The following TRIT1 variants were observed in gnomAD, a reference collection of about 807,000 sequenced individuals.
The protein encoded by TRIT1 is tRNA isopentenyltransferase 1, also known as tRNA dimethylallyltransferase.
TRIT1 carries 43 observed loss-of-function variants against 51.2 expected under a neutral mutation model. That is an observed-to-expected ratio of 0.84 (90% CI 0.66 to 1.08). TRIT1 has a LOEUF of 1.08. Ranked by LOEUF, TRIT1 falls within the 50% of genes least tolerant of loss-of-function variation. The probability of loss-of-function intolerance (pLI) is 0.00; values close to 1 mark genes in which losing one functional copy is unlikely to be tolerated. For missense variants in TRIT1, 528 were observed against 578.4 expected (o/e 0.91, Z 0.89); for synonymous variants, 184 against 203.9 (o/e 0.90, Z 0.83).
rs1325182841 is a variant in TRIT1 at position 39,840,168 on chromosome 1, T to A, written c.*1576A>T. Among the ~76,000 whole-genome samples the A allele has an allele frequency of 6.6e-6, 1 of 152,146 alleles. No individual in the cohort carries two copies. Among genetic ancestry groups the A allele is most frequent in the Non-Finnish European group, 1.5e-5 (1 of 68,020 alleles). On this transcript the variant is annotated 3_prime_UTR_variant, in exon 11 of 11. Transcript: ENST00000316891. ...GCTTGGCTCACAGTAAGTACTCATC[T>A]CCACTCCCACCGGGAAGATGTGGCT...
intron 4 of TRIT1, 107 bp downstream of exon 4, chr1:39,852,624 T>A: frequency 7.3e-7 from 1 of 1,372,392 alleles, no homozygotes; most frequent in Non-Finnish European, 1.0e-6. Flanking sequence ...CACATCAATC[T>A]CCACTAACTG....
chr1:39,841,687 C>A lies in TRIT1; in HGVS notation c.*57G>T. 1 of 1,512,016 alleles carries A rather than the reference C, an allele frequency of 6.6e-7. No homozygotes were observed. Among genetic ancestry groups the A allele is most frequent in the Non-Finnish European group, 8.9e-7 (1 of 1,123,290 alleles). 93.7% of individuals were successfully genotyped at this position (1,512,016 alleles called of 1,614,324 possible). On this transcript the variant is annotated 3_prime_UTR_variant, in exon 11 of 11. Transcript: ENST00000316891. ...TTGCCCAGACTGGGAGACAAACATA[C>A]CCCTCCCTCCTGAACTGGATCCCCA...
chr1:39,861,923 C>CAAA (rs60007826), intron 1 of TRIT1, among the ~76,000 whole-genome samples: 2,094 of 68,300 alleles, frequency 0.031, 43 homozygotes, highest in East Asian at 0.17. Flanking sequence ...GGCTCTGTCT[C>CAAA]AAAAAAAAAA....
At chr1:39,873,596 T>C (rs139766411) in intron 1 of TRIT1, among the ~76,000 whole-genome samples, 8 of 152,318 alleles carry the variant, frequency 5.3e-5, no homozygotes, top group Middle Eastern at 3.4e-3. Context: ...ATTTAGTTAA[T>C]AGTATTGTAC....
At chr1:39,882,812 G>A (rs1314592149) in intron 1 of TRIT1, among the ~76,000 whole-genome samples, 1 of 152,158 alleles carries the variant, frequency 6.6e-6, no homozygotes, top group African/African-American at 2.4e-5. Flanking sequence ...ATGGCCAATG[G>A]CAGATTCAGG....
At chr1:39,853,600 T>TG (rs1642716851) in intron 3 of TRIT1, among the ~76,000 whole-genome samples, 1 of 151,976 alleles carries the variant, frequency 6.6e-6, no homozygotes, top group African/African-American at 2.4e-5. Context: ...TTAGTAGAGA[T>TG]GGGGTTTCAC....
chr1:39,879,802 G>A (rs1325109250), intron 1 of TRIT1, among the ~76,000 whole-genome samples: 1 of 147,864 alleles, frequency 6.8e-6, no homozygotes, highest in Non-Finnish European at 1.5e-5. Flanking sequence ...AACCTGGGAA[G>A]TGGAGGTTGC....
chr1:39,882,165 C>T (rs560757383), intron 1 of TRIT1, among the ~76,000 whole-genome samples: 15 of 152,320 alleles, frequency 9.8e-5, no homozygotes, highest in Non-Finnish European at 1.6e-4. Flanking sequence ...TTGGAAAAGA[C>T]AGCTGGGATT....
chr1:39,850,802 G>A (rs1221567263), intron 4 of TRIT1, among the ~76,000 whole-genome samples: 2 of 152,122 alleles, frequency 1.3e-5, no homozygotes, highest in Non-Finnish European at 2.9e-5. Flanking sequence ...TCTGGCTGGC[G>A]TGCCTTTCCC....
intron 1 of TRIT1, among the ~76,000 whole-genome samples, chr1:39,871,669 T>C (rs529333731): frequency 6.6e-6 from 1 of 152,290 alleles, no homozygotes; most frequent in South Asian, 2.1e-4. Flanking sequence ...TATGATTACA[T>C]TTTAAGACAT....
At chr1:39,859,073 A>C (rs964744319) in intron 1 of TRIT1, among the ~76,000 whole-genome samples, 3 of 151,894 alleles carry the variant, frequency 2.0e-5, no homozygotes, top group Non-Finnish European at 4.4e-5. Context: ...CAACATGATG[A>C]AACCCCATCT....
At chr1:39,863,973 C>T (rs138203668) in intron 1 of TRIT1, among the ~76,000 whole-genome samples, 2,730 of 152,084 alleles carry the variant, frequency 0.018, 59 homozygotes, top group East Asian at 0.11. Flanking sequence ...CTCACGGCAA[C>T]CTCCACCTCC....
intron 1 of TRIT1, chr1:39,862,971 T>G (rs1466974569): frequency 1.0e-6 from 1 of 985,136 alleles, no homozygotes; most frequent in African/African-American, 1.7e-5. Context: ...TGAAATGCTT[T>G]TCTCTGCACA....
chr1:39,852,611 C>T, intron 4 of TRIT1, 120 bp downstream of exon 4: 1 of 1,274,782 alleles, frequency 7.8e-7, no homozygotes. Flanking sequence ...TGAGCTAGAA[C>T]AACACATCAA....
intron 5 of TRIT1, among the ~76,000 whole-genome samples, chr1:39,849,156 CA>C (rs1409162219): frequency 3.3e-5 from 5 of 152,154 alleles, no homozygotes; most frequent in African/African-American, 1.2e-4. Context: ...CGTCATGTGT[CA>C]GGCACATTCT....
At chr1:39,882,317 T>A (rs1266298650) in intron 1 of TRIT1, among the ~76,000 whole-genome samples, 1 of 152,276 alleles carries the variant, frequency 6.6e-6, no homozygotes, top group Non-Finnish European at 1.5e-5. Context: ...CACTGGCTTC[T>A]GGGTGAGTTG....
intron 5 of TRIT1, 129 bp downstream of exon 5, chr1:39,849,990 T>A: frequency 1.1e-6 from 1 of 946,900 alleles, no homozygotes; most frequent in South Asian, 1.8e-5. Flanking sequence ...ATAATGATAA[T>A]AAAATTAATA....
In TRIT1 at chr1:39,841,808, T is replaced by C; in HGVS notation, c.1340A>G (p.Asn447Ser). The C allele has an allele frequency of 6.2e-7, 1 of 1,614,112 alleles. No individual in the cohort carries two copies. Among genetic ancestry groups the C allele is most frequent in the African/African-American group, 1.3e-5 (1 of 75,026 alleles). The change falls in exon 11 of 11, where the codon AAC (asparagine) becomes AGC (serine). Residue 447 changes from asparagine (N) to serine (S), a missense_variant. Asn to Ser is a conservative substitution (Grantham distance 46, BLOSUM62 1). Coordinates refer to ENST00000316891, the MANE Select transcript of TRIT1 (RefSeq NM_017646.6). ...IESQSVSPDH[N>S]KEPKEKGSPG... Reference sequence around the variant, plus strand: ...GGATCCCTTCTCTTTAGGTTCTTTGTTATGGTCTGGGGAAACACTCTGACT... The same window carrying C: ...GGATCCCTTCTCTTTAGGTTCTTTGCTATGGTCTGGGGAAACACTCTGACT...
intron 10 of TRIT1, 34 bp from the exon 11 acceptor site, chr1:39,841,947 A>C (rs1297381633): frequency 6.3e-7 from 1 of 1,577,840 alleles, no homozygotes; most frequent in African/African-American, 1.4e-5. Context: ...ACAAACAAAA[A>C]AACTCATTAG....
Sources: allele counts gnomAD v4.1 joint callset (sites outside exome capture counted in the v4.1 genomes callset), GRCh38; gene constraint gnomAD v4.1.1; transcripts MANE v1.5; gene names NCBI Gene and HGNC (gene_info 2026-07-23, HGNC 2026-07-21).